The following ZDHHC14 variants were observed in gnomAD, a reference collection of about 807,000 sequenced individuals.
The protein encoded by ZDHHC14 is palmitoyltransferase ZDHHC14.
In ZDHHC14, 16 loss-of-function variants were observed where a neutral mutation model predicts 47.7. The ratio of observed to expected loss-of-function variants is 0.34; its 90% CI spans 0.23 to 0.51. ZDHHC14 has a LOEUF of 0.51. Ranked by LOEUF, ZDHHC14 falls within the 20% of genes least tolerant of loss-of-function variation. The pLI, the probability that ZDHHC14 is intolerant of heterozygous loss-of-function variation, is 0.97. For synonymous variants in ZDHHC14, 293 were observed against 278.9 expected (o/e 1.05, Z -0.50); for missense variants, 515 against 662.5 (o/e 0.78, Z 2.44).
At chr6:157,602,634 C>A (rs900962707) in intron 3 of ZDHHC14, among the ~76,000 whole-genome samples, 8 of 151,960 alleles carry the variant, frequency 5.3e-5, no homozygotes, top group Non-Finnish European at 8.8e-5. Context: ...GGGTACTGAA[C>A]GGTAGGACAG....
At chr6:157,431,584 G>C (rs1344465185) in intron 1 of ZDHHC14, among the ~76,000 whole-genome samples, 1 of 152,064 alleles carries the variant, frequency 6.6e-6, no homozygotes, top group Non-Finnish European at 1.5e-5. Context: ...TTGCTAGTGT[G>C]GGTCATATTG....
chr6:157,426,815 C>T (rs1294698831), intron 1 of ZDHHC14, among the ~76,000 whole-genome samples: 1 of 152,196 alleles, frequency 6.6e-6, no homozygotes, highest in East Asian at 1.9e-4. Context: ...AGCCGGGAAG[C>T]CGTCTCACCT....
Position 157,672,973 on chromosome 6 carries a change from A to G in ZDHHC14, c.1318A>G (p.Thr440Ala). ...TGAGCACATGGGCCACCAGTTCCTG[A>G]CGCCCGATGAGGCGCCCTCGCCCCC... ...KDEHMGHQFL[T>A]PDEAPSPPRL... Residue 440 changes from threonine (T) to alanine (A), a missense_variant, in exon 9 of 9, where the codon ACG becomes GCG. By Grantham distance (58) the Thr-to-Ala change is moderately conservative (BLOSUM62 0). This residue lies in a region of ZDHHC14 where 221 missense variants were observed against 233.6 expected (regional missense o/e 0.95). Coordinates refer to ENST00000359775, the MANE Select transcript of ZDHHC14 (RefSeq NM_024630.3). 6.3e-7 allele frequency: 1 copy of G among 1,597,156 alleles called. No individual in the cohort carries two copies. The highest frequency in any genetic ancestry group is 1.1e-5 in the South Asian group (1 of 89,372).
chr6:157,428,750 G>A (rs1399087723), intron 1 of ZDHHC14, among the ~76,000 whole-genome samples: 1 of 152,034 alleles, frequency 6.6e-6, no homozygotes, highest in Middle Eastern at 3.2e-3. Flanking sequence ...ACAGTGCATT[G>A]TTAGTCGTTA....
chr6:157,632,552 A>T (rs62423255), intron 4 of ZDHHC14: 6 of 461,062 alleles, frequency 1.3e-5, no homozygotes, highest in Non-Finnish European at 2.0e-5. Flanking sequence ...AAAACAAAGG[A>T]GTCATCAGAA....
chr6:157,498,267 T>A (rs111322384), intron 1 of ZDHHC14, among the ~76,000 whole-genome samples: 17,310 of 104,778 alleles, frequency 0.17, 1,274 homozygotes, highest in Admixed American at 0.2. Flanking sequence ...TGAGACCACA[T>A]CTCAAAAAAA....
At chr6:157,575,546 GACCAGGACA>G (rs956004196) in intron 2 of ZDHHC14, among the ~76,000 whole-genome samples, 27 of 151,984 alleles carry the variant, frequency 1.8e-4, no homozygotes, top group African/African-American at 6.5e-4. Context: ...CCTGTCCTGG[GACCAGGACA>G]CAAGCTGCCC....
chr6:157,560,133 A>T (rs1175791248), intron 2 of ZDHHC14, among the ~76,000 whole-genome samples: 1 of 152,222 alleles, frequency 6.6e-6, no homozygotes, highest in Non-Finnish European at 1.5e-5. Flanking sequence ...AATGGCTCTA[A>T]AGTCATGCCC....
chr6:157,474,732 C>G (rs534029288), intron 1 of ZDHHC14, among the ~76,000 whole-genome samples: 1 of 152,232 alleles, frequency 6.6e-6, no homozygotes, highest in South Asian at 2.1e-4. Context: ...TGTCTATTCT[C>G]ATTTTTTAAT....
At chr6:157,612,323 A>G (rs1784782978) in intron 3 of ZDHHC14, among the ~76,000 whole-genome samples, 1 of 152,184 alleles carries the variant, frequency 6.6e-6, no homozygotes, top group Non-Finnish European at 1.5e-5. Context: ...CTATGCTGAC[A>G]TCAGAGTGAC....
At chr6:157,518,524 G>A (rs947276069) in intron 1 of ZDHHC14, among the ~76,000 whole-genome samples, 21 of 152,276 alleles carry the variant, frequency 1.4e-4, no homozygotes, top group African/African-American at 4.8e-4. Flanking sequence ...AGAAGACCAG[G>A]GAGTGAATCA....
At chr6:157,566,106 T>C (rs928805348) in intron 2 of ZDHHC14, among the ~76,000 whole-genome samples, 14 of 152,208 alleles carry the variant, frequency 9.2e-5, no homozygotes, top group Admixed American at 6.5e-4. Flanking sequence ...GTTATGCCGA[T>C]GTTACCAAGC....
chr6:157,643,713 T>A (rs1777378708), intron 5 of ZDHHC14, among the ~76,000 whole-genome samples: 1 of 139,814 alleles, frequency 7.2e-6, no homozygotes, highest in Non-Finnish European at 1.6e-5. Flanking sequence ...ACCTTTAGAA[T>A]TCTATATCCG....
chr6:157,632,751 C>A, intron 4 of ZDHHC14, 83 bp from the exon 5 acceptor site: 3 of 1,241,230 alleles, frequency 2.4e-6, no homozygotes, highest in Admixed American at 1.7e-5. Context: ...CTTTAGCCAT[C>A]TATTATTTTT....
chr6:157,523,653 T>C (rs1366841196), intron 1 of ZDHHC14, among the ~76,000 whole-genome samples: 1 of 151,298 alleles, frequency 6.6e-6, no homozygotes, highest in Non-Finnish European at 1.5e-5. Context: ...TCCAACACTT[T>C]GGGTGGCTGA....
At chr6:157,522,624 A>T (rs1780964851) in intron 1 of ZDHHC14, among the ~76,000 whole-genome samples, 1 of 151,910 alleles carries the variant, frequency 6.6e-6, no homozygotes. Flanking sequence ...ACCCATTTTT[A>T]TAAATTTTTA....
At chr6:157,652,751 G>C (rs1467034207) in intron 7 of ZDHHC14, among the ~76,000 whole-genome samples, 1 of 152,202 alleles carries the variant, frequency 6.6e-6, no homozygotes, top group African/African-American at 2.4e-5. Context: ...GCCGGTCCTT[G>C]CCCTCCACGC....
chr6:157,578,843 C>A (rs747171268), intron 2 of ZDHHC14, among the ~76,000 whole-genome samples: 2 of 152,186 alleles, frequency 1.3e-5, no homozygotes, highest in African/African-American at 4.8e-5. Flanking sequence ...TCATGTGGAA[C>A]TGTGAGTCAA....
chr6:157,608,361 G>A (rs187110453), intron 3 of ZDHHC14, among the ~76,000 whole-genome samples: 5 of 152,248 alleles, frequency 3.3e-5, no homozygotes, highest in African/African-American at 1.2e-4. Context: ...GATACCCACC[G>A]AGAAGCACAG....
Sources: allele counts gnomAD v4.1 joint callset (sites outside exome capture counted in the v4.1 genomes callset), GRCh38; gene constraint gnomAD v4.1.1; regional missense constraint gnomAD v4.1.1; transcripts MANE v1.5; gene names NCBI Gene and HGNC (gene_info 2026-07-23, HGNC 2026-07-21).